PCDHA5: variants seen among roughly 807,000 people sequenced by gnomAD.
The protein encoded by PCDHA5 is protocadherin alpha 5.
A neutral mutation model predicts 61.6 loss-of-function variants in PCDHA5; 43 were observed. That is an observed-to-expected ratio of 0.70 (90% CI 0.55 to 0.90). PCDHA5 has a LOEUF of 0.90. Ranked by LOEUF, PCDHA5 falls within the 40% of genes least tolerant of loss-of-function variation. The pLI, the probability that PCDHA5 is intolerant of heterozygous loss-of-function variation, is 0.00. For missense variants in PCDHA5, 1,298 were observed against 1,222.7 expected (o/e 1.06, Z -0.92); for synonymous variants, 627 against 543.9 (o/e 1.15, Z -2.13).
chr5:140,985,268 A>G (rs1399255449), intron 3 of PCDHA5, among the ~76,000 whole-genome samples: 6 of 152,098 alleles, frequency 3.9e-5, no homozygotes, highest in African/African-American at 1.2e-4. Context: ...TTTCTGGACT[A>G]CTTTTCTGCA....
At chr5:140,824,186 A>G in intron 1 of PCDHA5, 59 bp downstream of exon 1, 1 of 1,603,756 alleles carries the variant, frequency 6.2e-7, no homozygotes, top group Non-Finnish European at 8.5e-7. Flanking sequence ...ATTAAATGTC[A>G]CATTCACCCA....
intron 1 of PCDHA5, chr5:140,856,983 G>A: frequency 6.3e-7 from 1 of 1,595,186 alleles, no homozygotes; most frequent in Non-Finnish European, 8.6e-7. Flanking sequence ...TTTGAGGACA[G>A]TAACACTTAT....
intron 1 of PCDHA5, chr5:140,865,093 G>T (rs535527730): frequency 6.6e-6 from 1 of 152,216 alleles, no homozygotes; most frequent in African/African-American, 2.4e-5. Flanking sequence ...TATTAATAAA[G>T]GCACTTCCAC....
chr5:140,990,198 C>T (rs954813003), intron 3 of PCDHA5, among the ~76,000 whole-genome samples: 5 of 151,968 alleles, frequency 3.3e-5, no homozygotes, highest in South Asian at 2.1e-4. Context: ...AATGTGGACC[C>T]GAAAGAGAAC....
In PCDHA5 at chr5:140,928,114, A is replaced by C. The variant is rs200013855; in HGVS notation, c.2353-50835A>C. ...TGATGGGCCCCTGGACCGGGAGCAG[A>C]TCAGTGAATACCAAGTCCTGATCAC... On this transcript the variant is annotated intron_variant, in intron 1 of 3. Coordinates refer to ENST00000529859, the MANE Select transcript of PCDHA5 (RefSeq NM_018908.3). 280 of 1,614,088 alleles carry C rather than the reference A, an allele frequency of 1.7e-4. No individual in the cohort carries two copies. Among genetic ancestry groups the C allele is most frequent in the Middle Eastern group, 6.6e-4 (4 of 6,084 alleles).
At chr5:140,999,049 A>G (rs962383659) in intron 3 of PCDHA5, among the ~76,000 whole-genome samples, 2 of 152,332 alleles carry the variant, frequency 1.3e-5, no homozygotes, top group Non-Finnish European at 2.9e-5. Context: ...TGTGCTTTCC[A>G]CCATGCCTAA....
At chr5:140,937,954 G>A (rs1209058625) in intron 1 of PCDHA5, among the ~76,000 whole-genome samples, 2 of 151,226 alleles carry the variant, frequency 1.3e-5, no homozygotes, top group Non-Finnish European at 2.9e-5. Context: ...GGCTTTTGTT[G>A]AAAGTATATA....
At chr5:140,906,796 T>C (rs1021322398) in intron 1 of PCDHA5, among the ~76,000 whole-genome samples, 1 of 152,236 alleles carries the variant, frequency 6.6e-6, no homozygotes, top group African/African-American at 2.4e-5. Context: ...ATTCCATGCA[T>C]ACTCTTCCTT....
intron 1 of PCDHA5, among the ~76,000 whole-genome samples, chr5:140,917,329 G>GGC (rs1563018868): frequency 6.9e-6 from 1 of 143,930 alleles, no homozygotes; most frequent in Non-Finnish European, 1.5e-5. Context: ...TGTGGCGGGG[G>GGC]AGGGGGGGGA....
intron 1 of PCDHA5, among the ~76,000 whole-genome samples, chr5:140,918,556 G>A (rs1584104800): frequency 2.0e-5 from 3 of 152,302 alleles, no homozygotes; most frequent in Non-Finnish European, 4.4e-5. Context: ...CAATTGAGAA[G>A]AATGTATATT....
intron 3 of PCDHA5, among the ~76,000 whole-genome samples, chr5:140,999,451 C>T (rs1245812469): frequency 4.6e-5 from 7 of 152,084 alleles, no homozygotes; most frequent in African/African-American, 9.7e-5. Context: ...ATTCGTTCAA[C>T]GAATAAGTGG....
At chr5:140,830,205 G>C (rs1770893475) in intron 1 of PCDHA5, 1 of 1,613,662 alleles carries the variant, frequency 6.2e-7, no homozygotes, top group Non-Finnish European at 8.5e-7. Flanking sequence ...ATCGCCATCT[G>C]CGCGGTATCC....
In PCDHA5 at chr5:141,012,060, A is replaced by T. The variant is rs919882671; in HGVS notation, c.*2123A>T. 3.9e-5 allele frequency: 6 copies of T among 153,766 alleles called. No individual in the cohort carries two copies. The highest frequency in any genetic ancestry group is 8.8e-5 in the Non-Finnish European group (6 of 68,040). 9.5% of individuals were successfully genotyped at this position (153,766 alleles called of 1,614,324 possible). ...GCATGGGGTAAAACTTGTTACCAAC[A>T]CATGTGAACCATTGCTACATTGTAG... On this transcript the variant is annotated 3_prime_UTR_variant, in exon 4 of 4. Transcript: ENST00000529859.
chr5:140,822,048 G>C lies in PCDHA5; in HGVS notation c.273G>C (p.Arg91=), dbSNP rs2150113216. The C allele has an allele frequency of 1.2e-5, 20 of 1,614,228 alleles. No homozygotes were observed. The highest frequency in any genetic ancestry group is 4.4e-5 in the South Asian group (4 of 91,080). ...TGTTTGTGAATTCTCGGATCGACCG[G>C]GAGGAGCTGTGCCGGCGGAGGGCGG... The part of the protein sequence containing the change: ...GILFVNSRID[R]EELCRRRAEC... Residue 91 remains arginine (R), a synonymous_variant, in exon 1 of 4, where the codon CGG becomes CGC. Coordinates refer to ENST00000529859, the MANE Select transcript of PCDHA5 (RefSeq NM_018908.3).
chr5:140,861,534 A>G lies in PCDHA5; in HGVS notation c.2352+37407A>G, dbSNP rs1004709017. ...GCTGTGTGGGAGGATCTCGGAGTGCAGCATCCACCTGGAAGTGATCGTGGA... is the reference window on the plus strand; with the variant it reads ...GCTGTGTGGGAGGATCTCGGAGTGCGGCATCCACCTGGAAGTGATCGTGGA... On this transcript the variant is annotated intron_variant, in intron 1 of 3. Coordinates refer to ENST00000529859, the MANE Select transcript of PCDHA5 (RefSeq NM_018908.3). The G allele has an allele frequency of 4.9e-5, 22 of 448,754 alleles. No individual in the cohort carries two copies. The Middle Eastern group carries it at 3.2e-3, about 66-fold the overall frequency. The allele number at this position is 448,754 out of a possible 1,614,324, so 27.8% of individuals were successfully genotyped here.
intron 1 of PCDHA5, among the ~76,000 whole-genome samples, chr5:140,953,076 T>C (rs1276914822): frequency 6.6e-6 from 1 of 152,106 alleles, no homozygotes; most frequent in East Asian, 1.9e-4. Flanking sequence ...ATCTCCAACA[T>C]TGGGGATTAC....
chr5:140,991,244 G>A (rs535469323), intron 3 of PCDHA5, among the ~76,000 whole-genome samples: 2 of 152,278 alleles, frequency 1.3e-5, no homozygotes, highest in South Asian at 4.1e-4. Flanking sequence ...GGTAAAGGCA[G>A]TATTTGAACT....
intron 1 of PCDHA5, chr5:140,968,380 C>T: frequency 6.2e-7 from 1 of 1,614,072 alleles, no homozygotes; most frequent in Non-Finnish European, 8.5e-7. Context: ...ACTCCTTTGA[C>T]TATGAGAAGT....
intron 1 of PCDHA5, chr5:140,829,405 C>T: frequency 2.5e-6 from 4 of 1,614,154 alleles, no homozygotes; most frequent in Non-Finnish European, 3.4e-6. Context: ...TGTGGGCCAC[C>T]GCCAGCTTGT....
Sources: allele counts gnomAD v4.1 joint callset (sites outside exome capture counted in the v4.1 genomes callset), GRCh38; gene constraint gnomAD v4.1.1; transcripts MANE v1.5; gene names NCBI Gene and HGNC (gene_info 2026-07-23, HGNC 2026-07-21).